NAA25: variants seen among roughly 807,000 people sequenced by gnomAD.
NAA25 encodes N-terminal acetyltransferase B complex subunit NAA25.
A neutral mutation model predicts 132.5 loss-of-function variants in NAA25; 30 were observed. The observed-to-expected ratio is 0.23, with a 90% CI of 0.17 to 0.31. NAA25 has a LOEUF of 0.31. Ranked by LOEUF, NAA25 falls within the 10% of genes least tolerant of loss-of-function variation. The pLI is 1.00. For synonymous variants in NAA25, 359 were observed against 401.9 expected, an observed-to-expected ratio of 0.89 and a Z score of 1.28; for missense variants, 771 against 1,150.4, an observed-to-expected ratio of 0.67 and a Z score of 4.77.
At chr12:112,106,789 A>G (rs2079367162) in intron 1 of NAA25, among the ~76,000 whole-genome samples, 1 of 151,238 alleles carries the variant, frequency 6.6e-6, no homozygotes, top group Admixed American at 6.6e-5. Flanking sequence ...CCCATTCTCT[A>G]CAATATATAC....
rs554988869 is a variant in NAA25, at chr12:112,084,881, G to A, written c.402+2802C>T. 2.6e-3 allele frequency among the ~76,000 whole-genome samples: 398 copies of A among 152,134 alleles called. 4 individuals are homozygous for A. Among genetic ancestry groups the A allele is most frequent in the African/African-American group, 8.7e-3 (362 of 41,486 alleles). On this transcript the variant is annotated intron_variant, in intron 4 of 23. Coordinates refer to ENST00000261745, the MANE Select transcript of NAA25 (RefSeq NM_024953.4). The stretch of plus-strand genomic sequence containing the variant: ...GGAGGCTGAGGCAGGTAGATCACTC[G>A]AGGTCAGGAGTTCGAGACCAGCCCG...
intron 5 of NAA25, among the ~76,000 whole-genome samples, chr12:112,080,108 A>C (rs1593809989): frequency 1.3e-5 from 2 of 151,148 alleles, no homozygotes; most frequent in South Asian, 4.2e-4. Context: ...GTGAAACCCC[A>C]TCTCTACTAA....
chr12:112,108,381 G>T (rs1358127940), intron 1 of NAA25, among the ~76,000 whole-genome samples: 1 of 152,212 alleles, frequency 6.6e-6, no homozygotes, highest in Non-Finnish European at 1.5e-5. Context: ...TCCACCTTCG[G>T]GGAGATCTCC....
chr12:112,077,702 A>C (rs961924260), intron 7 of NAA25, among the ~76,000 whole-genome samples: 1 of 152,120 alleles, frequency 6.6e-6, no homozygotes, highest in African/African-American at 2.4e-5. Context: ...ATGCCTTCAT[A>C]AGACAGACAT....
In NAA25 at chr12:112,027,219, A is replaced by G. The variant is rs1298637531; in HGVS notation, c.*2312T>C. ...AAAAAAACCCATACAAATCAAAAAC[A>G]GCAGCAGCAGCAATGGGTTATTTGG... On this transcript the variant is annotated 3_prime_UTR_variant, in exon 24 of 24. Coordinates refer to ENST00000261745, the MANE Select transcript of NAA25 (RefSeq NM_024953.4). 1 of 152,536 alleles carries G rather than the reference A, an allele frequency of 6.6e-6. No individual in the cohort carries two copies. Among genetic ancestry groups the G allele is most frequent in the Non-Finnish European group, 1.5e-5 (1 of 68,022 alleles). The allele number at this position is 152,536 out of a possible 1,614,324, so 9.4% of individuals were successfully genotyped here.
At chr12:112,051,000 C>A (rs1340095320) in intron 15 of NAA25, among the ~76,000 whole-genome samples, 1 of 152,002 alleles carries the variant, frequency 6.6e-6, no homozygotes, top group African/African-American at 2.4e-5. Flanking sequence ...TCCGGGGATC[C>A]CAAAAACTAC....
intron 14 of NAA25, 33 bp downstream of exon 14, chr12:112,054,355 G>A (rs769275305): frequency 6.3e-7 from 1 of 1,590,884 alleles, no homozygotes; most frequent in South Asian, 1.1e-5. Flanking sequence ...TGGTATAGCT[G>A]GCTGCTCATT....
chr12:112,103,460 A>C (rs1423499730), intron 1 of NAA25, among the ~76,000 whole-genome samples: 2 of 152,230 alleles, frequency 1.3e-5, no homozygotes, highest in Non-Finnish European at 2.9e-5. Flanking sequence ...TGGAAGTTCT[A>C]GATTCATTGA....
intron 5 of NAA25, among the ~76,000 whole-genome samples, chr12:112,080,426 C>T (rs756411953): frequency 1.3e-5 from 2 of 151,936 alleles, no homozygotes; most frequent in African/African-American, 2.4e-5. Flanking sequence ...AATCCCAGCA[C>T]TTTGGGAGGC....
chr12:112,050,888 A>C (rs191633893), intron 15 of NAA25, among the ~76,000 whole-genome samples: 1 of 152,314 alleles, frequency 6.6e-6, no homozygotes, highest in Non-Finnish European at 1.5e-5. Context: ...CCATAGCACA[A>C]AACATTACTA....
At chr12:112,097,296 T>C (rs1290247003) in intron 1 of NAA25, 2 of 152,056 alleles carry the variant, frequency 1.3e-5, no homozygotes, top group Non-Finnish European at 2.9e-5. Flanking sequence ...GCAAGTTGAT[T>C]GATGTGCAGC....
At position 112,060,363 on chromosome 12, in the gene NAA25, T is replaced by C; in HGVS notation, c.1358-4A>G. The stretch of plus-strand genomic sequence containing the variant: ...TCTGTTTTCAAACAGGTTTTCCCTA[T>C]GGGGGAAAAAAATCATATCTATTTT... On this transcript the variant is annotated splice_polypyrimidine_tract_variant and splice_region_variant and intron_variant, in intron 12 of 23. Coordinates refer to ENST00000261745, the MANE Select transcript of NAA25 (RefSeq NM_024953.4). The C allele has an allele frequency of 6.3e-6, 10 of 1,589,948 alleles. No homozygotes were observed. The highest frequency in any genetic ancestry group is 3.3e-5 in the South Asian group (3 of 90,182).
chr12:112,051,915 C>T (rs1422171793), intron 15 of NAA25, among the ~76,000 whole-genome samples: 1 of 152,020 alleles, frequency 6.6e-6, no homozygotes, highest in African/African-American at 2.4e-5. Context: ...CTTTATTGAC[C>T]ACATCTTCAT....
At chr12:112,071,843 A>T in intron 10 of NAA25, 52 bp downstream of exon 10, 1 of 1,143,102 alleles carries the variant, frequency 8.7e-7, no homozygotes. Flanking sequence ...TGAATATAGC[A>T]CTTGGGTATT....
chr12:112,087,552 G>A, intron 4 of NAA25, 131 bp downstream of exon 4: 1 of 634,056 alleles, frequency 1.6e-6, no homozygotes, highest in Non-Finnish European at 2.8e-6. Context: ...ACAACTGACT[G>A]ACCTCCACAC....
intron 17 of NAA25, 97 bp downstream of exon 17, chr12:112,047,568 G>C (rs985071796): frequency 7.2e-7 from 1 of 1,389,396 alleles, no homozygotes. Flanking sequence ...CTTCACCCAG[G>C]AGTTCGAAGC....
chr12:112,040,904 T>C (rs766466881), intron 20 of NAA25, among the ~76,000 whole-genome samples: 4 of 152,338 alleles, frequency 2.6e-5, no homozygotes, highest in Non-Finnish European at 5.9e-5. Context: ...AGAGGACTTA[T>C]GCCATTATGG....
chr12:112,075,052 A>C (rs2078876475), intron 8 of NAA25, among the ~76,000 whole-genome samples: 1 of 152,222 alleles, frequency 6.6e-6, no homozygotes, highest in Admixed American at 6.5e-5. Context: ...CTTCCAAAAT[A>C]GAGGGAAGGG....
At chr12:112,047,970 G>A (rs902085656) in intron 16 of NAA25, among the ~76,000 whole-genome samples, 180 bp from the exon 17 acceptor site, 5 of 152,130 alleles carry the variant, frequency 3.3e-5, no homozygotes, top group African/African-American at 1.2e-4. Flanking sequence ...AAAGGCTTCT[G>A]GAAGCCCACA....
Sources: gnomAD v4.1 joint callset for allele counts (sites outside exome capture counted in the v4.1 genomes callset) on GRCh38, gnomAD v4.1.1 for gene constraint, MANE v1.5 for transcripts, NCBI Gene and HGNC (gene_info 2026-07-23, HGNC 2026-07-21) for gene names.